Variants in FLT1 observed in about 807,000 individuals in gnomAD.
The protein encoded by FLT1 is fms related receptor tyrosine kinase 1.
In FLT1, 49 loss-of-function variants were observed where a neutral mutation model predicts 156.3. That is an observed-to-expected ratio of 0.31 (90% CI 0.25 to 0.40). The LOEUF (loss-of-function observed/expected upper bound fraction) is 0.40, where lower values mean the gene tolerates loss of function less well. FLT1 is among the 10% of genes least tolerant of loss of function. The probability of loss-of-function intolerance (pLI) is 1.00; values close to 1 mark genes in which losing one functional copy is unlikely to be tolerated. For missense variants in FLT1, 1,322 were observed against 1,637.2 expected, an observed-to-expected ratio of 0.81 and a Z score of 3.32; for synonymous variants, 594 against 583.8, an observed-to-expected ratio of 1.02 and a Z score of -0.25.
intron 20 of FLT1, among the ~76,000 whole-genome samples, chr13:28,325,781 C>A (rs1338908825): frequency 7.1e-6 from 1 of 141,658 alleles, no homozygotes; most frequent in Non-Finnish European, 1.5e-5. Flanking sequence ...CACCACTGCA[C>A]TCCAGCCTGA....
At position 28,439,697 on chromosome 13, in the gene FLT1, C is replaced by T. The variant is rs1278485204; in HGVS notation, c.389-1352G>A. Among the ~76,000 whole-genome samples the T allele has an allele frequency of 1.3e-5, 2 of 152,154 alleles. No homozygotes were observed. Among genetic ancestry groups the T allele is most frequent in the African/African-American group, 2.4e-5 (1 of 41,428 alleles). ...TGAAGACAGACAGGGTGTGCAGACTCGCACTATGTGCAGATGGAGGCAGAG... is the reference window on the plus strand; with the variant it reads ...TGAAGACAGACAGGGTGTGCAGACTTGCACTATGTGCAGATGGAGGCAGAG... On this transcript the variant is annotated intron_variant, in intron 3 of 29. Coordinates refer to ENST00000282397, the MANE Select transcript of FLT1 (RefSeq NM_002019.4). The surrounding 1 kb of genome is among the most constrained non-coding windows in gnomAD (Gnocchi z 4.1).
intron 17 of FLT1, 100 bp downstream of exon 17, chr13:28,339,068 A>T: frequency 9.0e-7 from 1 of 1,115,074 alleles, no homozygotes; most frequent in Admixed American, 2.0e-5. Context: ...GGAGGGTAGA[A>T]TCCCAGGTCT....
chr13:28,431,702 A>G (rs2137547685), intron 6 of FLT1, among the ~76,000 whole-genome samples: 1 of 152,136 alleles, frequency 6.6e-6, no homozygotes, highest in Non-Finnish European at 1.5e-5. Flanking sequence ...TTCCTCTGGC[A>G]CACACACCTC....
intron 1 of FLT1, among the ~76,000 whole-genome samples, chr13:28,490,787 A>G (rs1234123979): frequency 6.6e-6 from 1 of 152,216 alleles, no homozygotes; most frequent in Non-Finnish European, 1.5e-5. Flanking sequence ...ATGATTTCAA[A>G]TGCCCTTCCT....
At chr13:28,473,218 G>A (rs1880275768) in intron 1 of FLT1, among the ~76,000 whole-genome samples, 1 of 152,154 alleles carries the variant, frequency 6.6e-6, no homozygotes, top group Non-Finnish European at 1.5e-5. Context: ...TTAAACATAA[G>A]AGTTGATCAT....
At chr13:28,477,914 C>T (rs575534629) in intron 1 of FLT1, among the ~76,000 whole-genome samples, 1 of 152,162 alleles carries the variant, frequency 6.6e-6, no homozygotes, top group Non-Finnish European at 1.5e-5. Context: ...CAACTGATTG[C>T]TCAGTGGAGA....
Position 28,389,518 on chromosome 13 carries a change from GC to G in FLT1, c.1969+277del, listed in dbSNP as rs1351526175. On this transcript the variant is annotated intron_variant, in intron 13 of 29. Transcript: ENST00000282397. ...CCAAATCCAAACGTGCACCAAGTCGGCCCCCCGGAGCAGCCCCCTCGGCCTG... is the reference window on the plus strand; with the variant it reads ...CCAAATCCAAACGTGCACCAAGTCGGCCCCCGGAGCAGCCCCCTCGGCCTG... The G allele has an allele frequency of 2.8e-6, 4 of 1,416,666 alleles. No individual in the cohort carries two copies. In the African/African-American group the frequency reaches 4.3e-5, roughly 15 times the overall value. The allele number at this position is 1,416,666 out of a possible 1,614,324, so 87.8% of individuals were successfully genotyped here.
chr13:28,494,768 G>C lies in FLT1; in HGVS notation c.64+12C>G. On this transcript the variant is annotated intron_variant, in intron 1 of 29. Coordinates refer to ENST00000282397, the MANE Select transcript of FLT1 (RefSeq NM_002019.4). The stretch of plus-strand genomic sequence containing the variant: ...AGCCCGCCTCAGGCCCCGGCCCCCA[G>C]CCGCGCCTCACCTGTGAGAAGCAGA... 1 of 1,550,614 alleles carries C rather than the reference G, an allele frequency of 6.4e-7. No individual in the cohort carries two copies. Among genetic ancestry groups the C allele is most frequent in the Non-Finnish European group, 8.7e-7 (1 of 1,153,022 alleles).
intron 11 of FLT1, among the ~76,000 whole-genome samples, chr13:28,397,669 A>G (rs1451014013): frequency 2.0e-5 from 3 of 152,100 alleles, no homozygotes; most frequent in East Asian, 3.9e-4. Flanking sequence ...CAACAGGCAC[A>G]TGCCACTGTA....
intron 1 of FLT1, among the ~76,000 whole-genome samples, chr13:28,472,743 T>C (rs970938651): frequency 6.6e-6 from 1 of 152,224 alleles, no homozygotes; most frequent in Non-Finnish European, 1.5e-5. Flanking sequence ...GTTGTGGCCA[T>C]GGGCGGGCCA....
Position 28,433,971 on chromosome 13 carries a change from A to G in FLT1, c.677-16T>C. The G allele has an allele frequency of 1.2e-6, 2 of 1,614,116 alleles. No homozygotes were observed. The highest frequency in any genetic ancestry group is 2.2e-5 in the East Asian group (1 of 44,872). On this transcript the variant is annotated splice_polypyrimidine_tract_variant and intron_variant, in intron 5 of 29. Coordinates refer to ENST00000282397, the MANE Select transcript of FLT1 (RefSeq NM_002019.4). ...ATTGTATTGGCTGCAAGCATAAGAG[A>G]GAAATTTTTTAAAATTAAGATTTCA...
intron 16 of FLT1, among the ~76,000 whole-genome samples, chr13:28,340,624 C>T (rs918176004): frequency 2.6e-5 from 4 of 152,236 alleles, no homozygotes; most frequent in African/African-American, 4.8e-5. Flanking sequence ...TTTCCCTAAA[C>T]GGGATCAGAG....
At chr13:28,432,120 T>C (rs1467553751) in intron 6 of FLT1, among the ~76,000 whole-genome samples, 11 of 152,124 alleles carry the variant, frequency 7.2e-5, no homozygotes, top group Admixed American at 7.2e-4. Flanking sequence ...CCTTTTTTTT[T>C]TAAGCACTAT....
At chr13:28,387,948 T>C (rs2137455355) in intron 13 of FLT1, 3 of 1,061,220 alleles carry the variant, frequency 2.8e-6, no homozygotes, top group Non-Finnish European at 3.4e-6. Flanking sequence ...CCCACAAAAA[T>C]TGCAAACAGG....
intron 13 of FLT1, chr13:28,386,345 T>C (rs1874359607): frequency 2.1e-5 from 21 of 1,004,266 alleles, no homozygotes; most frequent in Non-Finnish European, 2.5e-5. Flanking sequence ...TATAACATTG[T>C]TGAAGTAGTA....
intron 6 of FLT1, among the ~76,000 whole-genome samples, chr13:28,432,106 G>T (rs145095924): frequency 0.013 from 2,033 of 152,042 alleles, 57 homozygotes; most frequent in African/African-American, 0.046. Flanking sequence ...TCACATTGCC[G>T]TCTCCTTTTT....
At chr13:28,305,445 T>C (rs758838382) in intron 29 of FLT1, among the ~76,000 whole-genome samples, 3 of 152,156 alleles carry the variant, frequency 2.0e-5, no homozygotes, top group Non-Finnish European at 2.9e-5. Flanking sequence ...CGGGCTCAAG[T>C]GATCCACCCA....
At position 28,339,218 on chromosome 13, in the gene FLT1, A is replaced by T. The variant is rs754623237; in HGVS notation, c.2438T>A (p.Leu813His). Residue 813 changes from leucine to histidine, a missense_variant, in exon 17 of 30, where the codon CTC becomes CAC. Physicochemically the swap from Leu to His is moderately conservative, Grantham distance 99. This residue lies in a region of FLT1 where 991 missense variants were observed against 1,254.8 expected (regional missense o/e 0.79). Transcript: ENST00000282397. ...EVPLDEQCER[L>H]PYDASKWEFA... ...CTCCCACTTGCTGGCATCATAAGGG[A>T]GCCGCTCACACTGCTCATCCAAAGG... 1 of 1,614,190 alleles carries T rather than the reference A, an allele frequency of 6.2e-7. No homozygotes were observed. Among genetic ancestry groups the T allele is most frequent in the Non-Finnish European group, 8.5e-7 (1 of 1,180,022 alleles).
chr13:28,343,171 C>T (rs7998124), intron 16 of FLT1, among the ~76,000 whole-genome samples: 26,875 of 152,012 alleles, frequency 0.18, 2,506 homozygotes, highest in African/African-American at 0.23. Flanking sequence ...TTAGTAGAGA[C>T]GGGGTTTCAC....
Sources: gnomAD v4.1 joint callset for allele counts (sites outside exome capture counted in the v4.1 genomes callset) on GRCh38, gnomAD v4.1.1 for gene constraint, gnomAD v4.1.1 regional missense constraint, Gnocchi (gnomAD v3.1) non-coding constraint, MANE v1.5 for transcripts, NCBI Gene and HGNC (gene_info 2026-07-23, HGNC 2026-07-21) for gene names.